The following SOX6 variants were observed in gnomAD, a reference collection of about 807,000 sequenced individuals.
SOX6 encodes the protein transcription factor SOX-6.
In SOX6, 11 loss-of-function variants were observed where a neutral mutation model predicts 97.8. The observed-to-expected ratio is 0.11, with a 90% CI of 0.07 to 0.19. The LOEUF is 0.19. Ranked by LOEUF, SOX6 falls within the 10% of genes least tolerant of loss-of-function variation. SOX6 has a pLI of 1.00. For missense variants in SOX6, 810 were observed against 1,039.5 expected (o/e 0.78, Z 3.04); for synonymous variants, 360 against 371.4 (o/e 0.97, Z 0.35).
intron 13 of SOX6, among the ~76,000 whole-genome samples, chr11:15,990,443 T>A (rs1367064695): frequency 6.6e-6 from 1 of 151,716 alleles, no homozygotes; most frequent in Non-Finnish European, 1.5e-5. Context: ...AGTAACATAC[T>A]AGATTGAAAG....
chr11:16,070,882 T>C (rs1354647606), intron 9 of SOX6, among the ~76,000 whole-genome samples: 1 of 152,186 alleles, frequency 6.6e-6, no homozygotes, highest in Non-Finnish European at 1.5e-5. Context: ...GGCAGAGAGC[T>C]ACCCAGCCAT....
At chr11:16,057,431 G>C (rs1847845041) in intron 9 of SOX6, among the ~76,000 whole-genome samples, 1 of 151,998 alleles carries the variant, frequency 6.6e-6, no homozygotes, top group Non-Finnish European at 1.5e-5. Flanking sequence ...CTCAAACTCT[G>C]CATGAAATCA....
At position 16,682,454 on chromosome 11, in the gene SOX6, A is replaced by G. The variant is rs192185333; in HGVS notation, n.429+32376T>C. On this transcript the variant is annotated intron_variant and non_coding_transcript_variant, in intron 3 of 5. Transcript: ENST00000524520. Reference sequence around the variant, plus strand: ...CAACATACGCAAATCAATAAACATAATCCATCACATAAACAGAACCAATGA... The same window carrying G: ...CAACATACGCAAATCAATAAACATAGTCCATCACATAAACAGAACCAATGA... Among the ~76,000 whole-genome samples, 796 of 152,382 alleles carry G rather than the reference A, an allele frequency of 5.2e-3. 3 individuals carry two copies. The highest frequency in any genetic ancestry group is 8.5e-3 in the Non-Finnish European group (581 of 68,038).
At chr11:16,141,620 G>A (rs931174619) in intron 6 of SOX6, among the ~76,000 whole-genome samples, 2 of 152,152 alleles carry the variant, frequency 1.3e-5, no homozygotes, top group Admixed American at 1.3e-4. Context: ...CCTAGCCAAG[G>A]GAAGCTATGA....
intron 9 of SOX6, among the ~76,000 whole-genome samples, chr11:16,078,890 A>G (rs1353505316): frequency 2.0e-5 from 3 of 152,092 alleles, no homozygotes; most frequent in Non-Finnish European, 4.4e-5. Flanking sequence ...TTGTGCTTGG[A>G]ATGTTTGAGG....
At chr11:16,650,282 T>C (rs1203261094) in intron 3 of SOX6, among the ~76,000 whole-genome samples, 1 of 152,134 alleles carries the variant, frequency 6.6e-6, no homozygotes, top group Admixed American at 6.6e-5. Flanking sequence ...CAAATGGACT[T>C]CATAGATATT....
chr11:16,553,226 T>C (rs1428197805), intron 4 of SOX6, among the ~76,000 whole-genome samples: 1 of 152,216 alleles, frequency 6.6e-6, no homozygotes, highest in Non-Finnish European at 1.5e-5. Flanking sequence ...TGGTGTTAGA[T>C]AGCAACATTT....
chr11:16,729,604 G>A (rs914908986), intron 2 of SOX6, among the ~76,000 whole-genome samples: 48 of 152,174 alleles, frequency 3.2e-4, no homozygotes, highest in African/African-American at 1.0e-3. Context: ...AGGAACAACC[G>A]GTACCAGCCA....
chr11:16,200,783 A>G (rs1433220840), intron 4 of SOX6, among the ~76,000 whole-genome samples: 3 of 152,118 alleles, frequency 2.0e-5, no homozygotes, highest in Non-Finnish European at 4.4e-5. Flanking sequence ...CTCCAAACCT[A>G]TAACAGTTCC....
intron 4 of SOX6, among the ~76,000 whole-genome samples, chr11:16,539,382 C>T (rs541285906): frequency 1.4e-4 from 22 of 152,050 alleles, no homozygotes; most frequent in African/African-American, 1.9e-4. Flanking sequence ...CATCTAAAAT[C>T]GACACCCTAA....
At chr11:16,178,242 T>G (rs1165452671) in intron 6 of SOX6, among the ~76,000 whole-genome samples, 1 of 151,990 alleles carries the variant, frequency 6.6e-6, no homozygotes, top group African/African-American at 2.4e-5. Flanking sequence ...CAACAAGAAT[T>G]TGTAATTTTT....
At chr11:16,498,138 C>A (rs1860638671) in intron 4 of SOX6, among the ~76,000 whole-genome samples, 1 of 152,196 alleles carries the variant, frequency 6.6e-6, no homozygotes, top group South Asian at 2.1e-4. Flanking sequence ...ACTCTACAAG[C>A]CAGAAGACAG....
At chr11:16,700,806 C>T (rs1045940252) in intron 3 of SOX6, among the ~76,000 whole-genome samples, 2 of 152,172 alleles carry the variant, frequency 1.3e-5, no homozygotes, top group African/African-American at 4.8e-5. Context: ...CCTGCTATTG[C>T]TGGTCTCTGG....
At chr11:16,412,049 T>C (rs1275539119) in intron 1 of SOX6, among the ~76,000 whole-genome samples, 1 of 152,138 alleles carries the variant, frequency 6.6e-6, no homozygotes, top group African/African-American at 2.4e-5. Flanking sequence ...TATAAGCAAA[T>C]TTCAACTTCT....
intron 12 of SOX6, among the ~76,000 whole-genome samples, chr11:16,043,839 G>A (rs1304796213): frequency 6.6e-6 from 1 of 152,094 alleles, no homozygotes; most frequent in Non-Finnish European, 1.5e-5. Context: ...TAGCTGGAGA[G>A]AGTCACCTCA....
At chr11:16,620,828 C>CT (rs947043313) in intron 3 of SOX6, among the ~76,000 whole-genome samples, 1 of 152,200 alleles carries the variant, frequency 6.6e-6, no homozygotes, top group African/African-American at 2.4e-5. Context: ...AGGGCCTGCT[C>CT]TTTTTTAATT....
intron 4 of SOX6, among the ~76,000 whole-genome samples, chr11:16,599,309 G>T (rs1015245059): frequency 6.6e-6 from 1 of 152,086 alleles, no homozygotes; most frequent in African/African-American, 2.4e-5. Context: ...TACAGAAATA[G>T]AAGAGCCAGT....
intron 3 of SOX6, among the ~76,000 whole-genome samples, chr11:16,240,261 T>C (rs1853145003): frequency 6.8e-6 from 1 of 147,728 alleles, no homozygotes; most frequent in African/African-American, 2.5e-5. Context: ...CAAAACCACT[T>C]TACTAGATAA....
At chr11:16,519,707 G>A (rs1430223040) in intron 4 of SOX6, among the ~76,000 whole-genome samples, 1 of 151,982 alleles carries the variant, frequency 6.6e-6, no homozygotes, top group Non-Finnish European at 1.5e-5. Context: ...TTTTCCTTTG[G>A]GTAGAAACCT....
Sources: allele counts gnomAD v4.1 joint callset (sites outside exome capture counted in the v4.1 genomes callset), GRCh38; gene constraint gnomAD v4.1.1; transcripts MANE v1.5; gene names NCBI Gene and HGNC (gene_info 2026-07-23, HGNC 2026-07-21).